Variants in QKI observed in about 807,000 individuals in gnomAD.
QKI encodes the protein KH domain-containing RNA-binding protein QKI.
A neutral mutation model predicts 39.0 loss-of-function variants in QKI; 10 were observed. The observed-to-expected ratio is 0.26, with a 90% confidence interval of 0.16 to 0.43. The LOEUF is 0.43. Ranked by LOEUF, QKI falls within the 20% of genes least tolerant of loss-of-function variation. The pLI is 1.00. For missense variants in QKI, 218 were observed against 428.0 expected, an observed-to-expected ratio of 0.51 and a Z score of 4.33; for synonymous variants, 204 against 155.4, an observed-to-expected ratio of 1.31 and a Z score of -2.33.
At chr6:163,529,807 C>G (rs570760205) in intron 3 of QKI, among the ~76,000 whole-genome samples, 2 of 152,292 alleles carry the variant, frequency 1.3e-5, no homozygotes, top group African/African-American at 4.8e-5. Flanking sequence ...TACAAAGCCT[C>G]AAATTCTAAA....
intron 4 of QKI, among the ~76,000 whole-genome samples, chr6:163,556,581 A>G (rs961555458): frequency 1.3e-5 from 2 of 151,792 alleles, no homozygotes; most frequent in African/African-American, 4.8e-5. Flanking sequence ...ATATGCATAA[A>G]TTAAAATATA....
chr6:163,479,041 T>C (rs1353623226), intron 3 of QKI, 145 bp downstream of exon 3: 5 of 595,732 alleles, frequency 8.4e-6, no homozygotes, highest in Non-Finnish European at 1.1e-5. Context: ...ATCCCAGCAC[T>C]TTGGGAGGCC....
At chr6:163,489,557 A>G (rs965700683) in intron 3 of QKI, among the ~76,000 whole-genome samples, 3 of 151,178 alleles carry the variant, frequency 2.0e-5, no homozygotes, top group Admixed American at 1.3e-4. Flanking sequence ...GAAGCAGTTT[A>G]TAAATAATGG....
intron 4 of QKI, among the ~76,000 whole-genome samples, chr6:163,560,517 AAG>A (rs970260185): frequency 4.1e-4 from 62 of 152,070 alleles, no homozygotes; most frequent in Admixed American, 3.6e-3. Context: ...AGGATTTGGA[AAG>A]AGAGAGGGGC....
intron 2 of QKI, among the ~76,000 whole-genome samples, chr6:163,468,193 T>C (rs1347589791): frequency 6.6e-6 from 1 of 152,194 alleles, no homozygotes; most frequent in Non-Finnish European, 1.5e-5. Context: ...GTGTTGCTTA[T>C]GTGATATAAT....
chr6:163,458,075 T>G (rs992986648), intron 2 of QKI, among the ~76,000 whole-genome samples: 2 of 152,014 alleles, frequency 1.3e-5, no homozygotes, highest in African/African-American at 2.4e-5. Context: ...TGGGAAGTGT[T>G]GTAAGATGTG....
intron 4 of QKI, among the ~76,000 whole-genome samples, chr6:163,549,051 G>A (rs1782058328): frequency 6.6e-6 from 1 of 152,142 alleles, no homozygotes; most frequent in African/African-American, 2.4e-5. Flanking sequence ...AAGAAAAGAG[G>A]TTTAATTGAC....
At chr6:163,522,266 G>T (rs1780209123) in intron 3 of QKI, among the ~76,000 whole-genome samples, 1 of 152,100 alleles carries the variant, frequency 6.6e-6, no homozygotes, top group Non-Finnish European at 1.5e-5. Flanking sequence ...TAGTCTGTAG[G>T]CTCCTTGAGA....
chr6:163,508,504 T>TTTTCTTTCTTTCTTTCTTTC (rs142900512), intron 3 of QKI, among the ~76,000 whole-genome samples: 2 of 141,006 alleles, frequency 1.4e-5, no homozygotes, highest in African/African-American at 2.7e-5. Context: ...TTTCTTTTTC[T>TTTTCTTTCTTTCTTTCTTTC]TTTCTTTCTT....
At chr6:163,515,361 A>G (rs1779729350) in intron 3 of QKI, among the ~76,000 whole-genome samples, 1 of 152,052 alleles carries the variant, frequency 6.6e-6, no homozygotes, top group African/African-American at 2.4e-5. Context: ...TGGAAATTTC[A>G]TTATGTGTCA....
chr6:163,547,375 T>C (rs960216090), intron 4 of QKI, among the ~76,000 whole-genome samples: 2 of 152,218 alleles, frequency 1.3e-5, no homozygotes, highest in African/African-American at 4.8e-5. Flanking sequence ...ACTTGATGTC[T>C]GCTCTTCAGA....
chr6:163,518,237 ATTTC>A (rs1416517624), intron 3 of QKI, among the ~76,000 whole-genome samples: 1 of 152,118 alleles, frequency 6.6e-6, no homozygotes, highest in Non-Finnish European at 1.5e-5. Flanking sequence ...AGTTGAGTTC[ATTTC>A]TTTATTTCCT....
chr6:163,417,058 A>C (rs1240603333), intron 1 of QKI, among the ~76,000 whole-genome samples: 2 of 152,222 alleles, frequency 1.3e-5, no homozygotes, highest in East Asian at 3.8e-4. Flanking sequence ...TATTAAATTT[A>C]GTTGAAACTT....
intron 3 of QKI, among the ~76,000 whole-genome samples, chr6:163,497,549 A>G (rs1413739028): frequency 6.6e-6 from 1 of 151,788 alleles, no homozygotes; most frequent in Non-Finnish European, 1.5e-5. Flanking sequence ...ATAAGTAAGA[A>G]TTTACTCAGG....
At chr6:163,558,620 G>A (rs1016146841) in intron 4 of QKI, among the ~76,000 whole-genome samples, 3 of 151,836 alleles carry the variant, frequency 2.0e-5, no homozygotes, top group Non-Finnish European at 4.4e-5. Context: ...GGCTGGTCTC[G>A]AACTCCTAAT....
intron 3 of QKI, among the ~76,000 whole-genome samples, chr6:163,501,195 C>G (rs939996630): frequency 6.6e-6 from 1 of 151,782 alleles, no homozygotes; most frequent in Admixed American, 6.6e-5. Context: ...TTTGGCCACT[C>G]AAAGTGCTCC....
intron 1 of QKI, among the ~76,000 whole-genome samples, chr6:163,426,853 T>C (rs1366929178): frequency 1.3e-5 from 2 of 152,366 alleles, no homozygotes; most frequent in Middle Eastern, 6.8e-3. Context: ...ATTTTTTCTC[T>C]CTTTTCTAAT....
intron 4 of QKI, among the ~76,000 whole-genome samples, chr6:163,553,079 T>C (rs1259811367): frequency 2.9e-4 from 26 of 89,574 alleles, no homozygotes; most frequent in Non-Finnish European, 6.1e-5. Context: ...TATTTATTTA[T>C]TTATTTATTT....
intron 3 of QKI, among the ~76,000 whole-genome samples, chr6:163,531,240 G>A (rs943105019): frequency 1.3e-5 from 2 of 152,152 alleles, no homozygotes; most frequent in African/African-American, 4.8e-5. Flanking sequence ...CAAGATGTGG[G>A]CCTGGGTTCC....
Sources: allele counts gnomAD v4.1 joint callset (sites outside exome capture counted in the v4.1 genomes callset), GRCh38; gene constraint gnomAD v4.1.1; transcripts MANE v1.5; gene names NCBI Gene and HGNC (gene_info 2026-07-23, HGNC 2026-07-21).